SGCD: variants seen among roughly 807,000 people sequenced by gnomAD.
The protein encoded by SGCD is delta-sarcoglycan.
In SGCD, 18 loss-of-function variants were observed where a neutral mutation model predicts 36.6. The ratio of observed to expected loss-of-function variants is 0.49; its 90% confidence interval spans 0.34 to 0.73. The LOEUF is 0.73. Ranked by LOEUF, SGCD falls within the 30% of genes least tolerant of loss-of-function variation. SGCD has a pLI of 0.01. For synonymous variants in SGCD, 133 were observed against 130.6 expected (o/e 1.02, Z -0.12); for missense variants, 387 against 346.7 (o/e 1.12, Z -0.92).
chr5:156,270,244 A>G (rs1175701172), intron 3 of SGCD, among the ~76,000 whole-genome samples: 1 of 152,130 alleles, frequency 6.6e-6, no homozygotes, highest in African/African-American at 2.4e-5. Context: ...TTTTTGTACT[A>G]GTACCATGCT....
chr5:156,646,720 T>C (rs150634531), intron 6 of SGCD, among the ~76,000 whole-genome samples: 3 of 152,312 alleles, frequency 2.0e-5, no homozygotes, highest in Non-Finnish European at 2.9e-5. Flanking sequence ...TCTTGTGCAA[T>C]TGTCTGTGAA....
intron 7 of SGCD, among the ~76,000 whole-genome samples, chr5:156,742,439 T>TAATA (rs1756729777): frequency 6.6e-6 from 1 of 152,178 alleles, no homozygotes; most frequent in Non-Finnish European, 1.5e-5. Context: ...CATCTACTGG[T>TAATA]AATAAAATCT....
intron 3 of SGCD, among the ~76,000 whole-genome samples, chr5:156,265,253 C>T (rs1765967346): frequency 6.6e-6 from 1 of 152,130 alleles, no homozygotes; most frequent in Non-Finnish European, 1.5e-5. Context: ...AATAGTTATG[C>T]TCTGCCCCCC....
At chr5:155,971,077 T>C (rs1254889595) in intron 1 of SGCD, among the ~76,000 whole-genome samples, 1 of 152,178 alleles carries the variant, frequency 6.6e-6, no homozygotes, top group East Asian at 1.9e-4. Flanking sequence ...TTAGGAAAGA[T>C]AGCAGAGCTT....
At chr5:156,132,758 G>A (rs780130947) in intron 3 of SGCD, among the ~76,000 whole-genome samples, 2 of 151,950 alleles carry the variant, frequency 1.3e-5, no homozygotes, top group East Asian at 1.9e-4. Flanking sequence ...GTGAGCCACC[G>A]CGCCCGGCCC....
intron 4 of SGCD, among the ~76,000 whole-genome samples, chr5:156,586,552 G>T (rs1001036803): frequency 1.3e-5 from 2 of 152,086 alleles, no homozygotes; most frequent in Non-Finnish European, 2.9e-5. Context: ...CTCTGTCTGG[G>T]TAGATTTGAC....
intron 3 of SGCD, among the ~76,000 whole-genome samples, chr5:156,288,504 C>T (rs1337617912): frequency 6.6e-6 from 1 of 152,096 alleles, no homozygotes; most frequent in East Asian, 1.9e-4. Flanking sequence ...CATCCATCGT[C>T]GTGTTCAGTG....
chr5:156,554,924 G>A (rs555112145), intron 4 of SGCD, among the ~76,000 whole-genome samples: 4 of 151,974 alleles, frequency 2.6e-5, no homozygotes, highest in Non-Finnish European at 2.9e-5. Context: ...CATTACAGCC[G>A]TCACAGTAGT....
At chr5:155,874,375 C>G (rs1755721819) in intron 1 of SGCD, among the ~76,000 whole-genome samples, 1 of 152,034 alleles carries the variant, frequency 6.6e-6, no homozygotes, top group African/African-American at 2.4e-5. Context: ...GTAATTTTGA[C>G]TTTGTCAAAG....
intron 3 of SGCD, among the ~76,000 whole-genome samples, chr5:156,198,911 G>T (rs1030231145): frequency 6.6e-6 from 1 of 151,848 alleles, no homozygotes; most frequent in Non-Finnish European, 1.5e-5. Flanking sequence ...GCCTTGGTTG[G>T]ATTCAAACTC....
At chr5:156,256,284 A>T (rs1252421740) in intron 3 of SGCD, among the ~76,000 whole-genome samples, 1 of 152,240 alleles carries the variant, frequency 6.6e-6, no homozygotes, top group Non-Finnish European at 1.5e-5. Flanking sequence ...ACTCAAAACA[A>T]GTTAAGAATA....
At chr5:156,752,199 T>C (rs1757169748) in intron 7 of SGCD, among the ~76,000 whole-genome samples, 1 of 152,168 alleles carries the variant, frequency 6.6e-6, no homozygotes. Flanking sequence ...GTGTGAAGTA[T>C]GCAATAGTAG....
At chr5:156,385,046 G>A (rs530685846) in intron 3 of SGCD, among the ~76,000 whole-genome samples, 1 of 152,250 alleles carries the variant, frequency 6.6e-6, no homozygotes, top group East Asian at 1.9e-4. Context: ...AGCCAGAAAT[G>A]CACACCATTA....
chr5:156,169,198 GA>G (rs1333157926), intron 3 of SGCD, among the ~76,000 whole-genome samples: 1 of 152,210 alleles, frequency 6.6e-6, no homozygotes, highest in Non-Finnish European at 1.5e-5. Flanking sequence ...CTCCTCCAAG[GA>G]GGTTTGTTTA....
Position 156,513,195 on chromosome 5 carries a change from T to C in SGCD, c.294+4493T>C, listed in dbSNP as rs116114607. On this transcript the variant is annotated intron_variant, in intron 4 of 8. Transcript: ENST00000337851. ...TGATTTAGTCCACAGGGCTTGCCTC[T>C]CTTTAAGCACAGAGGTTATTGCCAG... 3.0e-3 allele frequency among the ~76,000 whole-genome samples: 451 copies of C among 152,308 alleles called. 3 individuals are homozygous for C. Among genetic ancestry groups the C allele is most frequent in the African/African-American group, 0.01 (429 of 41,582 alleles).
intron 3 of SGCD, among the ~76,000 whole-genome samples, chr5:156,285,201 A>G (rs1375291564): frequency 6.6e-6 from 1 of 152,230 alleles, no homozygotes; most frequent in Non-Finnish European, 1.5e-5. Context: ...AGAACATTCC[A>G]TGCTCATGGG....
At chr5:156,241,477 C>T (rs890535323) in intron 3 of SGCD, among the ~76,000 whole-genome samples, 5 of 152,010 alleles carry the variant, frequency 3.3e-5, no homozygotes, top group Non-Finnish European at 7.4e-5. Context: ...GTGGGCTTAC[C>T]AAGAACATGT....
chr5:156,336,150 C>G (rs1240770333), intron 2 of SGCD, among the ~76,000 whole-genome samples: 2 of 152,210 alleles, frequency 1.3e-5, no homozygotes, highest in Non-Finnish European at 2.9e-5. Context: ...GCACTCTGAT[C>G]TAGCCACACT....
At chr5:156,627,124 G>A (rs1323628742) in intron 6 of SGCD, among the ~76,000 whole-genome samples, 1 of 152,156 alleles carries the variant, frequency 6.6e-6, no homozygotes, top group Non-Finnish European at 1.5e-5. Flanking sequence ...TGGGGTCCCT[G>A]GATCTCTAAA....
Sources: gnomAD v4.1 joint callset for allele counts (sites outside exome capture counted in the v4.1 genomes callset) on GRCh38, gnomAD v4.1.1 for gene constraint, MANE v1.5 for transcripts, NCBI Gene and HGNC (gene_info 2026-07-23, HGNC 2026-07-21) for gene names.